The following LRRTM4 variants were observed in gnomAD, a reference collection of about 807,000 sequenced individuals.
LRRTM4 encodes the protein leucine-rich repeat transmembrane neuronal protein 4.
A neutral mutation model predicts 47.6 loss-of-function variants in LRRTM4; 25 were observed. The ratio of observed to expected loss-of-function variants is 0.53; its 90% CI spans 0.38 to 0.73. The LOEUF (loss-of-function observed/expected upper bound fraction) is 0.73. Among genes scored for constraint, LRRTM4 ranks in the 30% least tolerant of loss-of-function variants. LRRTM4 has a pLI of 0.00. For missense variants in LRRTM4, 638 were observed against 713.4 expected, an observed-to-expected ratio of 0.89 and a Z score of 1.20; for synonymous variants, 311 against 269.5, an observed-to-expected ratio of 1.15 and a Z score of -1.51.
At chr2:77,475,067 AGATATCAAG>A (rs1388716934) in intron 3 of LRRTM4, among the ~76,000 whole-genome samples, 1 of 152,076 alleles carries the variant, frequency 6.6e-6, no homozygotes, top group Non-Finnish European at 1.5e-5. Flanking sequence ...TCAGACAAAC[AGATATCAAG>A]AAAAATTTGT....
At chr2:77,494,177 T>G (rs1678272838) in intron 3 of LRRTM4, among the ~76,000 whole-genome samples, 7 of 152,290 alleles carry the variant, frequency 4.6e-5, no homozygotes, top group Admixed American at 3.9e-4. Context: ...CAATTGCTGT[T>G]CTTGTATATA....
intron 3 of LRRTM4, among the ~76,000 whole-genome samples, chr2:77,501,077 G>T (rs754107373): frequency 1.2e-3 from 182 of 150,820 alleles, no homozygotes; most frequent in Non-Finnish European, 1.9e-3. Flanking sequence ...AAAGGCAATA[G>T]AAAACAAGAT....
intron 3 of LRRTM4, among the ~76,000 whole-genome samples, chr2:77,417,402 A>T (rs546450424): frequency 6.6e-6 from 1 of 152,246 alleles, no homozygotes; most frequent in East Asian, 1.9e-4. Context: ...GTATATACCC[A>T]AAGGATTATA....
intron 3 of LRRTM4, among the ~76,000 whole-genome samples, chr2:77,270,417 T>A (rs1398414799): frequency 4.6e-5 from 7 of 152,160 alleles, no homozygotes; most frequent in Non-Finnish European, 1.0e-4. Context: ...CCTTGCTTGG[T>A]TCTCCTCCAA....
At chr2:76,784,283 C>G (rs146484027) in intron 3 of LRRTM4, among the ~76,000 whole-genome samples, 177 of 151,988 alleles carry the variant, frequency 1.2e-3, no homozygotes, top group African/African-American at 4.2e-3. Flanking sequence ...GCTTTATAAT[C>G]CTATGCATAC....
intron 3 of LRRTM4, among the ~76,000 whole-genome samples, chr2:76,831,845 G>C (rs1268080024): frequency 6.6e-6 from 1 of 152,028 alleles, no homozygotes; most frequent in Non-Finnish European, 1.5e-5. Flanking sequence ...TTTTTGTGCA[G>C]AAGGAAATAT....
Position 77,141,994 on chromosome 2 carries a change from T to A in LRRTM4, c.1551+376324A>T, listed in dbSNP as rs760078591. Among the ~76,000 whole-genome samples the A allele has an allele frequency of 4.6e-5, 7 of 152,282 alleles. 3 individuals carry two copies. Among genetic ancestry groups the A allele is most frequent in the Admixed American group, 4.6e-4 (7 of 15,284 alleles). ...CATTCATGACTAGAATTCACATTTA[T>A]GAGCAGTGCTAGACTCAGTGCTGAA... On this transcript the variant is annotated intron_variant, in intron 3 of 3. Transcript: ENST00000409884.
At chr2:77,245,743 A>G (rs1273599668) in intron 3 of LRRTM4, among the ~76,000 whole-genome samples, 1 of 152,120 alleles carries the variant, frequency 6.6e-6, no homozygotes, top group Non-Finnish European at 1.5e-5. Context: ...ATCTACATGT[A>G]GCATGTGTGT....
chr2:77,104,737 C>T (rs948675484), intron 3 of LRRTM4, among the ~76,000 whole-genome samples: 2 of 152,140 alleles, frequency 1.3e-5, no homozygotes, highest in Admixed American at 6.5e-5. Flanking sequence ...CCGCTGAAAT[C>T]GAGCAGGGTT....
intron 3 of LRRTM4, among the ~76,000 whole-genome samples, chr2:77,141,202 A>G (rs1672111525): frequency 6.6e-6 from 1 of 152,176 alleles, no homozygotes. Context: ...ATTCACAATA[A>G]CAAATACTTG....
At chr2:77,326,301 G>T (rs1670771673) in intron 3 of LRRTM4, among the ~76,000 whole-genome samples, 1 of 152,122 alleles carries the variant, frequency 6.6e-6, no homozygotes, top group African/African-American at 2.4e-5. Context: ...CTTTTCTCTT[G>T]TTAATCTGTC....
chr2:76,940,680 G>A (rs1441889573), intron 3 of LRRTM4, among the ~76,000 whole-genome samples: 1 of 152,064 alleles, frequency 6.6e-6, no homozygotes, highest in African/African-American at 2.4e-5. Flanking sequence ...TTGTTGTTCT[G>A]TTTCTTAGAT....
intron 3 of LRRTM4, among the ~76,000 whole-genome samples, chr2:77,505,300 A>G (rs1332717372): frequency 6.6e-6 from 1 of 151,442 alleles, no homozygotes; most frequent in African/African-American, 2.4e-5. Context: ...CTAAAAATTC[A>G]TTTGGTAAAC....
intron 3 of LRRTM4, among the ~76,000 whole-genome samples, chr2:76,974,294 A>G (rs1167003442): frequency 2.0e-5 from 3 of 147,704 alleles, no homozygotes; most frequent in African/African-American, 7.4e-5. Context: ...TTGACATACC[A>G]GAGCATTATC....
chr2:76,918,760 G>A (rs1384276408), intron 3 of LRRTM4, among the ~76,000 whole-genome samples: 2 of 152,180 alleles, frequency 1.3e-5, no homozygotes, highest in Non-Finnish European at 2.9e-5. Flanking sequence ...GCAGCTAAGC[G>A]TGGCCCAGGG....
chr2:76,978,436 A>AT (rs1426977905), intron 3 of LRRTM4, among the ~76,000 whole-genome samples: 1 of 152,022 alleles, frequency 6.6e-6, no homozygotes, highest in African/African-American at 2.4e-5. Context: ...ATGAAAATAT[A>AT]TTTTTTACAA....
chr2:77,089,769 C>T (rs1285469786), intron 3 of LRRTM4, among the ~76,000 whole-genome samples: 2 of 152,138 alleles, frequency 1.3e-5, no homozygotes, highest in Non-Finnish European at 2.9e-5. Context: ...GACCCCAATA[C>T]AAACTCGACA....
intron 3 of LRRTM4, among the ~76,000 whole-genome samples, chr2:77,233,588 A>G (rs1047188960): frequency 2.2e-4 from 34 of 151,958 alleles, no homozygotes; most frequent in Admixed American, 1.4e-3. Context: ...TCTATATCTC[A>G]ATTTATTTAC....
intron 2 of LRRTM4, among the ~76,000 whole-genome samples, chr2:77,521,220 C>T (rs78646041): frequency 1.6e-3 from 244 of 151,946 alleles, no homozygotes; most frequent in African/African-American, 5.7e-3. Context: ...GTTCAGGATC[C>T]AGCTTCAAAG....
Sources: allele counts gnomAD v4.1 joint callset (sites outside exome capture counted in the v4.1 genomes callset), GRCh38; gene constraint gnomAD v4.1.1; transcripts MANE v1.5; gene names NCBI Gene and HGNC (gene_info 2026-07-23, HGNC 2026-07-21).